NME4: variants seen among roughly 807,000 people sequenced by gnomAD.
NME4 encodes nucleoside diphosphate kinase D, mitochondrial.
A neutral mutation model predicts 16.4 loss-of-function variants in NME4; 21 were observed. That is an observed-to-expected ratio of 1.28 (90% confidence interval 0.91 to 1.84). NME4 has a LOEUF of 1.84. NME4 is among the 40% of genes most tolerant of loss of function. The probability of loss-of-function intolerance (pLI) is 0.00; values close to 1 mark genes in which losing one functional copy is unlikely to be tolerated. For synonymous variants in NME4, 132 were observed against 107.5 expected, an observed-to-expected ratio of 1.23 and a Z score of -1.41; for missense variants, 316 against 261.3, an observed-to-expected ratio of 1.21 and a Z score of -1.44.
In NME4 at chr16:397,358, G is replaced by A. The variant is rs1242460274; in HGVS notation, c.91+45G>A. On this transcript the variant is annotated intron_variant, in intron 1 of 4. Coordinates refer to ENST00000219479, the MANE Select transcript of NME4 (RefSeq NM_005009.3). The stretch of plus-strand genomic sequence containing the variant: ...CCGGCGGGGACGCGGAGGGGAGGAA[G>A]GGGCGCGCGCCGCTCGGCCTTTGTG... 6 of 779,436 alleles carry A rather than the reference G, an allele frequency of 7.7e-6. No homozygotes were observed. In the East Asian group the frequency reaches 3.3e-4, roughly 43 times the overall value. The allele number at this position is 779,436 out of a possible 1,614,324, so 48.3% of individuals were successfully genotyped here.
chr16:397,111 CGGGGGGCTCCGGGGCGGCG>C (rs1185487987), upstream of NME4: 3 of 55,330 alleles, frequency 5.4e-5, no homozygotes, highest in Non-Finnish European at 6.7e-5. Context: ...TCCGGGGCGG[CGGGGGGCTCCGGGGCGGCG>C]GGGGGCTCCC....
intron 1 of NME4, chr16:398,479 C>T (rs387290): frequency 0.032 from 33,783 of 1,041,350 alleles, 909 homozygotes; most frequent in African/African-American, 0.14. Context: ...AAAGTCGGGG[C>T]TTCAGACCAT....
intron 4 of NME4, 153 bp from the exon 5 acceptor site, chr16:400,066 A>AC: frequency 8.4e-7 from 1 of 1,187,652 alleles, no homozygotes; most frequent in African/African-American, 1.5e-5. Flanking sequence ...CCAGGCTGGA[A>AC]CCCGGTTTCC....
intron 4 of NME4, 85 bp from the exon 5 acceptor site, chr16:400,134 G>C: frequency 6.4e-7 from 1 of 1,558,336 alleles, no homozygotes; most frequent in Non-Finnish European, 8.8e-7. Context: ...CCTAGACAGA[G>C]GGCAACGGGA....
chr16:399,018 C>T lies in NME4; in HGVS notation c.120C>T (p.Thr40=), dbSNP rs1197057368. 18 of 1,610,052 alleles carry T rather than the reference C, an allele frequency of 1.1e-5. No homozygotes were observed. Among genetic ancestry groups the T allele is most frequent in the East Asian group, 4.5e-5 (2 of 44,872 alleles). The change falls in exon 2 of 5, where the codon ACC becomes ACT. Residue 40 remains threonine (T), a synonymous_variant. Transcript: ENST00000219479. The part of the protein sequence containing the change: ...SGGPSWTRER[T]LVAVKPDGVQ... Reference sequence around the variant, plus strand: ...GGCCCTCCTGGACCCGGGAGCGGACCCTGGTGGCGGTGAAGCCCGATGGCG... The same window carrying T: ...GGCCCTCCTGGACCCGGGAGCGGACTCTGGTGGCGGTGAAGCCCGATGGCG...
At chr16:398,063 A>T in intron 1 of NME4, 1 of 1,529,696 alleles carries the variant, frequency 6.5e-7, no homozygotes, top group Non-Finnish European at 8.8e-7. Flanking sequence ...GGCCTGGCGG[A>T]GCCCCTTTGG....
intron 1 of NME4, 42 bp from the exon 2 acceptor site, chr16:398,948 A>C: frequency 1.2e-6 from 2 of 1,605,390 alleles, no homozygotes; most frequent in Non-Finnish European, 1.7e-6. Flanking sequence ...GGGGACGTGA[A>C]AGGGTGAGGT....
chr16:397,790 A>T, intron 1 of NME4: 1 of 1,390,306 alleles, frequency 7.2e-7, no homozygotes, highest in Non-Finnish European at 9.3e-7. Flanking sequence ...TTAGGCCAGA[A>T]TCTGACTGGG....
Position 399,401 on chromosome 16 carries a change from A to C in NME4, c.248A>C (p.Glu83Ala), listed in dbSNP as rs1398401301. The C allele has an allele frequency of 2.5e-6, 4 of 1,612,782 alleles. No individual in the cohort carries two copies. The highest frequency in any genetic ancestry group is 1.3e-5 in the African/African-American group (1 of 74,872). ...MLQAPESVLAEHYQDLRRKPF... is the reference protein window; with the variant it reads ...MLQAPESVLAAHYQDLRRKPF... Reference sequence around the variant, plus strand: ...CAGGCACCAGAGAGCGTCCTTGCCGAGCACTACCAGGACCTGCGGAGGAAG... The same window carrying C: ...CAGGCACCAGAGAGCGTCCTTGCCGCGCACTACCAGGACCTGCGGAGGAAG... Residue 83 changes from glutamate (E) to alanine (A), a missense_variant, in exon 3 of 5, where the codon GAG (glutamate) becomes GCG (alanine). Transcript: ENST00000219479.
intron 1 of NME4, chr16:398,445 G>A (rs2054593971): frequency 8.5e-7 from 1 of 1,172,806 alleles, no homozygotes; most frequent in African/African-American, 1.6e-5. Flanking sequence ...ACACAGGGTG[G>A]GCTCTGGGTT....
intron 1 of NME4, chr16:398,324 C>T (rs2054592038): frequency 7.6e-7 from 1 of 1,318,396 alleles, no homozygotes; most frequent in Non-Finnish European, 1.0e-6. Context: ...CGGACAGAAC[C>T]CTGCTACCTT....
chr16:397,381 G>C (rs1053392293), intron 1 of NME4, 68 bp downstream of exon 1: 2 of 560,516 alleles, frequency 3.6e-6, no homozygotes, highest in African/African-American at 2.1e-5. Flanking sequence ...CTCGGCCTTT[G>C]TGCGCGCACG....
intron 1 of NME4, chr16:398,621 C>T (rs1330748214): frequency 2.5e-6 from 1 of 392,778 alleles, no homozygotes; most frequent in African/African-American, 2.1e-5. Flanking sequence ...CTGGGCTGTC[C>T]CTCCCTGGAC....
chr16:397,286 C>A lies in NME4; in HGVS notation c.64C>A (p.Pro22Thr). ...GCGCTGCGGCCCGCGGGCCCCGGGC[C>A]CGAGCCTGCTAGTGCGCCACGGCTC... ...GLRCGPRAPG[P>T]SLLVRHGSGG... The change falls in exon 1 of 5, where the codon CCG (proline) becomes ACG (threonine). Residue 22 changes from proline to threonine, a missense_variant. Coordinates refer to ENST00000219479, the MANE Select transcript of NME4 (RefSeq NM_005009.3). 9.4e-7 allele frequency: 1 copy of A among 1,059,732 alleles called. No homozygotes were observed. The highest frequency in any genetic ancestry group is 1.1e-6 in the Non-Finnish European group (1 of 879,938). 65.6% of individuals were successfully genotyped at this position (1,059,732 alleles called of 1,614,324 possible).
intron 1 of NME4, chr16:397,826 C>A: frequency 6.6e-7 from 1 of 1,519,784 alleles, no homozygotes; most frequent in Non-Finnish European, 8.8e-7. Context: ...TCCCCGGCCC[C>A]GCCGCTGCCC....
chr16:398,820 A>C, intron 1 of NME4, 170 bp from the exon 2 acceptor site: 1 of 840,370 alleles, frequency 1.2e-6, no homozygotes. Context: ...GACAGGGACT[A>C]TCATGGGGGT....
intron 1 of NME4, chr16:398,058 G>GGCGGA: frequency 6.5e-7 from 1 of 1,529,810 alleles, no homozygotes; most frequent in South Asian, 1.2e-5. Context: ...CTCCTGGCCT[G>GGCGGA]GCGGAGCCCC....
Position 400,309 on chromosome 16 carries a change from C to T in NME4, c.531C>T (p.Asp177=), listed in dbSNP as rs5841. ...GCAGTGAGCTGGTGAGCTGGGCAGA[C>T]GGGGGCCAGCACAGCAGCATCCACC... is the stretch of plus-strand genomic sequence containing the variant. ...FQSSELVSWA[D]GGQHSSIHPA Residue 177 remains aspartate, a synonymous_variant, in exon 5 of 5, where the codon GAC becomes GAT. Coordinates refer to ENST00000219479, the MANE Select transcript of NME4 (RefSeq NM_005009.3). 0.4 allele frequency: 637,215 copies of T among 1,602,484 alleles called. 127,810 individuals carry two copies. The highest frequency in any genetic ancestry group is 0.48 in the South Asian group (43,358 of 90,186).
intron 4 of NME4, 23 bp from the exon 5 acceptor site, chr16:400,196 A>G: frequency 6.2e-7 from 1 of 1,611,384 alleles, no homozygotes; most frequent in Non-Finnish European, 8.5e-7. Flanking sequence ...CCTGAGCCTC[A>G]CATTGCTCCT....
Sources: gnomAD v4.1 joint callset for allele counts on GRCh38, gnomAD v4.1.1 for gene constraint, MANE v1.5 for transcripts, NCBI Gene and HGNC (gene_info 2026-07-23, HGNC 2026-07-21) for gene names.